Variants in FRMPD4 observed in about 807,000 individuals in gnomAD.
FRMPD4 encodes FERM and PDZ domain-containing protein 4.
FRMPD4 carries 22 observed loss-of-function variants against 94.1 expected under a neutral mutation model. The ratio of observed to expected loss-of-function variants is 0.23; its 90% CI spans 0.17 to 0.33. The LOEUF (loss-of-function observed/expected upper bound fraction) is 0.33, where lower values mean the gene tolerates loss of function less well. Among genes scored for constraint, FRMPD4 ranks in the 10% least tolerant of loss-of-function variants. The pLI, the probability that FRMPD4 is intolerant of heterozygous loss-of-function variation, is 1.00. For synonymous variants in FRMPD4, 631 were observed against 548.6 expected (o/e 1.15, Z -2.10); for missense variants, 1,111 against 1,339.9 (o/e 0.83, Z 2.67).
intron 1 of FRMPD4, among the ~76,000 whole-genome samples, chrX:12,341,817 TC>T (rs1189537344): frequency 8.9e-6 from 1 of 111,922 alleles, no homozygotes; most frequent in Non-Finnish European, 1.9e-5. Context: ...AAAAAAAAAG[TC>T]CCTTTTCAGA....
At chrX:12,113,806 T>A (rs895979063) in intron 3 of FRMPD4, among the ~76,000 whole-genome samples, 4 of 112,067 alleles carry the variant, frequency 3.6e-5, no homozygotes, top group African/African-American at 1.3e-4. Context: ...TGGTATAAGC[T>A]AGTCTTGGTT....
At position 12,453,945 on chromosome X, in the gene FRMPD4, T is replaced by C. The variant is rs184679256; in HGVS notation, c.42-44735T>C. ...ATTCAAATTTTATTCTTCTGTTTTA[T>C]CGTGAAGGCTTAGTTGTTATTTCCA... On this transcript the variant is annotated intron_variant, in intron 1 of 16. Transcript: ENST00000675598. Among the ~76,000 whole-genome samples the C allele has an allele frequency of 2.6e-4, 29 of 112,646 alleles. No individual in the cohort carries two copies. The East Asian group carries it at 5.6e-3, about 22-fold the overall frequency.
At chrX:11,830,585 G>T (rs1040392498) in intron 1 of FRMPD4, among the ~76,000 whole-genome samples, 5 of 111,836 alleles carry the variant, frequency 4.5e-5, no homozygotes, top group Non-Finnish European at 7.5e-5. Flanking sequence ...TCATTAATTC[G>T]TAGTAAGCTC....
At chrX:12,716,001 T>TGGGGGGCC in intron 14 of FRMPD4, 68 bp from the exon 15 acceptor site, 2 of 231,652 alleles carry the variant, frequency 8.6e-6, no homozygotes, top group Non-Finnish European at 1.6e-5. Context: ...GAGACGAGCC[T>TGGGGGGCC]CCCACCCCCG....
At chrX:11,902,871 C>T (rs1003771982) in intron 3 of FRMPD4, among the ~76,000 whole-genome samples, 11 of 111,907 alleles carry the variant, frequency 9.8e-5, no homozygotes, top group African/African-American at 3.6e-4. Context: ...TTGTTGGGAA[C>T]TTATTGCAGT....
intron 1 of FRMPD4, among the ~76,000 whole-genome samples, chrX:12,220,745 T>C (rs1397288855): frequency 2.7e-5 from 3 of 112,600 alleles, no homozygotes; most frequent in African/African-American, 9.7e-5. Context: ...CAAATAATGA[T>C]ACTTTCTGTG....
chrX:11,920,807 C>T (rs2054051240), intron 3 of FRMPD4, among the ~76,000 whole-genome samples: 2 of 111,652 alleles, frequency 1.8e-5, no homozygotes, highest in Admixed American at 1.9e-4. Flanking sequence ...TCCTCTGGGC[C>T]CAGCTGCTGC....
intron 2 of FRMPD4, among the ~76,000 whole-genome samples, chrX:12,567,094 T>TC (rs1285363735): frequency 3.6e-5 from 4 of 111,654 alleles, no homozygotes; most frequent in African/African-American, 9.8e-5. Flanking sequence ...ACACTTTTTT[T>TC]CCACACTAAA....
intron 1 of FRMPD4, among the ~76,000 whole-genome samples, chrX:11,852,378 G>T (rs1306572917): frequency 9.7e-6 from 1 of 102,571 alleles, no homozygotes. Flanking sequence ...GGAGCTGGAG[G>T]CTGCAGAGAG....
intron 1 of FRMPD4, among the ~76,000 whole-genome samples, chrX:12,488,640 A>AT (rs759952504): frequency 1.3e-3 from 137 of 109,470 alleles, no homozygotes; most frequent in African/African-American, 4.3e-3. Flanking sequence ...TTTTTTTTTC[A>AT]TTTTCCCTGA....
intron 1 of FRMPD4, among the ~76,000 whole-genome samples, chrX:12,247,821 G>T (rs2147804527): frequency 8.9e-6 from 1 of 112,145 alleles, no homozygotes; most frequent in Admixed American, 9.4e-5. Context: ...GATAGGTAAG[G>T]TTATAAAAGC....
At chrX:12,497,689 A>C (rs968792748) in intron 1 of FRMPD4, among the ~76,000 whole-genome samples, 1 of 111,106 alleles carries the variant, frequency 9.0e-6, no homozygotes, top group African/African-American at 3.3e-5. Context: ...AGGAAAATGG[A>C]AAGGAAGTTA....
At chrX:12,126,793 T>C (rs1274840342) in intron 3 of FRMPD4, among the ~76,000 whole-genome samples, 1 of 111,909 alleles carries the variant, frequency 8.9e-6, no homozygotes, top group Admixed American at 9.5e-5. Context: ...ACGGCTATTC[T>C]GTTTTAGATG....
chrX:12,045,706 AG>A (rs2054781785), intron 3 of FRMPD4, among the ~76,000 whole-genome samples: 1 of 111,509 alleles, frequency 9.0e-6, no homozygotes, highest in Admixed American at 9.6e-5. Context: ...AAGGATCCTT[AG>A]CAAGAGAAAA....
intron 3 of FRMPD4, among the ~76,000 whole-genome samples, chrX:12,081,425 C>G (rs1377571009): frequency 1.8e-5 from 2 of 111,501 alleles, no homozygotes; most frequent in African/African-American, 3.3e-5. Flanking sequence ...CAGTGGTGAA[C>G]TTGTCATGAC....
chrX:12,290,090 G>A (rs1245907411), intron 1 of FRMPD4, among the ~76,000 whole-genome samples: 1 of 111,586 alleles, frequency 9.0e-6, no homozygotes, highest in Non-Finnish European at 1.9e-5. Context: ...AGGCAAGTAC[G>A]GAGACATGGA....
chrX:12,493,442 C>G (rs1438494), intron 1 of FRMPD4, among the ~76,000 whole-genome samples: 2,695 of 111,583 alleles, frequency 0.024, 93 homozygotes, highest in African/African-American at 0.084. Context: ...CGATGAATGA[C>G]CGAATGCATA....
At chrX:12,405,120 A>C (rs749245080) in intron 1 of FRMPD4, among the ~76,000 whole-genome samples, 38 of 111,888 alleles carry the variant, frequency 3.4e-4, no homozygotes, top group Non-Finnish European at 6.2e-4. Flanking sequence ...GGTATTTTTA[A>C]AAGCTCTCCA....
At chrX:11,867,854 C>G (rs2053730479) in intron 2 of FRMPD4, among the ~76,000 whole-genome samples, 1 of 111,051 alleles carries the variant, frequency 9.0e-6, no homozygotes, top group Admixed American at 9.6e-5. Context: ...AAGTGCCTGC[C>G]TCAGCACATT....
Sources: allele counts gnomAD v4.1 joint callset (sites outside exome capture counted in the v4.1 genomes callset), GRCh38; gene constraint gnomAD v4.1.1; transcripts MANE v1.5; gene names NCBI Gene and HGNC (gene_info 2026-07-23, HGNC 2026-07-21).